GRIK3: variants seen among roughly 807,000 people sequenced by gnomAD.
GRIK3 encodes the protein glutamate receptor ionotropic, kainate 3.
A neutral mutation model predicts 102.5 loss-of-function variants in GRIK3; 29 were observed. The ratio of observed to expected loss-of-function variants is 0.28; its 90% CI spans 0.21 to 0.39. The LOEUF (loss-of-function observed/expected upper bound fraction) is 0.39, where lower values mean the gene tolerates loss of function less well. GRIK3 is among the 10% of genes least tolerant of loss of function. The probability of loss-of-function intolerance (pLI) is 1.00; values close to 1 mark genes in which losing one functional copy is unlikely to be tolerated. For missense variants in GRIK3, 908 were observed against 1,252.4 expected, an observed-to-expected ratio of 0.73 and a Z score of 4.15; for synonymous variants, 511 against 504.9, an observed-to-expected ratio of 1.01 and a Z score of -0.16.
At chr1:36,802,197 G>C (rs879881045) in intron 15 of GRIK3, 152 bp from the exon 16 acceptor site, 2 of 589,842 alleles carry the variant, frequency 3.4e-6, no homozygotes, top group South Asian at 2.2e-5. Context: ...TCTGCCACCT[G>C]CAGGATGATT....
chr1:36,883,386 A>G (rs1424448926), intron 2 of GRIK3, among the ~76,000 whole-genome samples: 4 of 152,156 alleles, frequency 2.6e-5, no homozygotes, highest in African/African-American at 9.7e-5. Flanking sequence ...ATCCTGAACC[A>G]TAAGGGGCCT....
chr1:36,956,407 G>A (rs188492487), intron 1 of GRIK3, among the ~76,000 whole-genome samples: 58 of 152,306 alleles, frequency 3.8e-4, no homozygotes, highest in Non-Finnish European at 5.7e-4. Context: ...AAGCCTCATC[G>A]TGAAACTGCC....
intron 1 of GRIK3, among the ~76,000 whole-genome samples, chr1:36,985,776 C>G (rs1642297381): frequency 6.6e-6 from 1 of 152,210 alleles, no homozygotes; most frequent in Non-Finnish European, 1.5e-5. Context: ...CTCATGCTTC[C>G]TGCCACTCCC....
At chr1:36,983,969 G>A (rs145311608) in intron 1 of GRIK3, among the ~76,000 whole-genome samples, 1 of 152,088 alleles carries the variant, frequency 6.6e-6, no homozygotes, top group African/African-American at 2.4e-5. Context: ...TACCCAGCAG[G>A]GTGACTTTGA....
intron 1 of GRIK3, among the ~76,000 whole-genome samples, chr1:36,985,025 G>A (rs1223865652): frequency 6.6e-6 from 1 of 152,172 alleles, no homozygotes; most frequent in Non-Finnish European, 1.5e-5. Flanking sequence ...GCCCGGGCAG[G>A]AACAGAAAGA....
chr1:36,859,754 G>A, intron 6 of GRIK3, 90 bp downstream of exon 6: 3 of 1,050,444 alleles, frequency 2.9e-6, no homozygotes, highest in Non-Finnish European at 4.4e-6. Flanking sequence ...GAGAAGTGGT[G>A]GAGGGAAGAA....
chr1:36,859,956 C>T lies in GRIK3; in HGVS notation c.848G>A (p.Arg283Gln), dbSNP rs1557705299. 1.2e-6 allele frequency: 2 copies of T among 1,613,258 alleles called. No individual in the cohort carries two copies. The highest frequency in any genetic ancestry group is 1.7e-6 in the Non-Finnish European group (2 of 1,179,502). Residue 283 changes from arginine to glutamine, a missense_variant, in exon 6 of 16, where the codon CGG becomes CAG. Arg to Gln is a conservative substitution (Grantham distance 43, BLOSUM62 1). Coordinates refer to ENST00000373091, the MANE Select transcript of GRIK3 (RefSeq NM_000831.4). ...GTGTGGGTTGTCCACATTGAGAATCCGGAATCCTGTCAGGTTCACGCCTGA... is the reference window on the plus strand; with the variant it reads ...GTGTGGGTTGTCCACATTGAGAATCTGGAATCCTGTCAGGTTCACGCCTGA... Reference protein sequence around the residue: ...RYSGVNLTGFRILNVDNPHVS... With the variant: ...RYSGVNLTGFQILNVDNPHVS...
intron 1 of GRIK3, among the ~76,000 whole-genome samples, chr1:37,000,841 G>T (rs1012691309): frequency 6.6e-6 from 1 of 152,128 alleles, no homozygotes; most frequent in Non-Finnish European, 1.5e-5. Context: ...AAACAGCAGC[G>T]CAGATCCAAA....
chr1:36,864,792 A>G (rs1468211823), intron 5 of GRIK3, among the ~76,000 whole-genome samples: 1 of 151,402 alleles, frequency 6.6e-6, no homozygotes, highest in African/African-American at 2.4e-5. Flanking sequence ...CCGTGATACG[A>G]GGACAATGAC....
chr1:36,986,338 C>CCCAT lies in GRIK3; in HGVS notation c.115+47652_115+47655dup, dbSNP rs374435133. Among the ~76,000 whole-genome samples the CCCAT allele has an allele frequency of 4.0e-3, 612 of 151,802 alleles. 5 individuals carry two copies. The highest frequency in any genetic ancestry group is 0.013 in the African/African-American group (526 of 41,382). On this transcript the variant is annotated intron_variant, in intron 1 of 15. Transcript: ENST00000373091. ...ATCAGTCTGTTCATCCATCTGTCCG[C>CCCAT]CCATCCATCCATCCATCCATCCATC...
chr1:36,922,979 GC>G (rs1367300750), intron 1 of GRIK3, among the ~76,000 whole-genome samples: 1 of 152,142 alleles, frequency 6.6e-6, no homozygotes, highest in African/African-American at 2.4e-5. Flanking sequence ...CACCAGGCTG[GC>G]CAGCGGCACC....
At chr1:37,008,392 T>A (rs1642554121) in intron 1 of GRIK3, among the ~76,000 whole-genome samples, 3 of 152,218 alleles carry the variant, frequency 2.0e-5, no homozygotes, top group African/African-American at 7.2e-5. Context: ...CCCAGGACAG[T>A]GCCTTCACAA....
Position 36,795,855 on chromosome 1 carries a change from T to A in GRIK3, c.*5996A>T, listed in dbSNP as rs997345385. ...ACTCTGGTCTGGGTGGTGGGACAGG[T>A]CTAGGGTCTCAGAGGCCCATGGTGC... is the stretch of plus-strand genomic sequence containing the variant. On this transcript the variant is annotated 3_prime_UTR_variant, in exon 16 of 16. Coordinates refer to ENST00000373091, the MANE Select transcript of GRIK3 (RefSeq NM_000831.4). 6.6e-6 allele frequency: 1 copy of A among 152,112 alleles called. No homozygotes were observed. Among genetic ancestry groups the A allele is most frequent in the African/African-American group, 2.4e-5 (1 of 41,412 alleles). The allele number at this position is 152,112 out of a possible 1,614,324, so 9.4% of individuals were successfully genotyped here. A position where few individuals can be genotyped will look rare whatever the true frequency, so the allele number is the denominator to read the frequency against.
chr1:36,876,237 G>T (rs576296679), intron 3 of GRIK3, among the ~76,000 whole-genome samples: 1 of 152,262 alleles, frequency 6.6e-6, no homozygotes, highest in African/African-American at 2.4e-5. Context: ...ATGTTCCTGG[G>T]TTCCAGCTAC....
chr1:36,838,681 CG>C (rs1640411990), intron 10 of GRIK3, among the ~76,000 whole-genome samples: 1 of 152,270 alleles, frequency 6.6e-6, no homozygotes, highest in Admixed American at 6.5e-5. Flanking sequence ...AAATGGGCCC[CG>C]GGGGGTGGAC....
At position 36,921,717 on chromosome 1, in the gene GRIK3, T is replaced by C. The variant is rs548096426; in HGVS notation, c.116-30621A>G. ...AGTATAATGGGTGGCATTTTTTTTCTTTCTTAGGGAAGTACATAAAATTAT... is the reference window on the plus strand; with the variant it reads ...AGTATAATGGGTGGCATTTTTTTTCCTTCTTAGGGAAGTACATAAAATTAT... On this transcript the variant is annotated intron_variant, in intron 1 of 15. Coordinates refer to ENST00000373091, the MANE Select transcript of GRIK3 (RefSeq NM_000831.4). Among the ~76,000 whole-genome samples, 11 of 152,302 alleles carry C rather than the reference T, an allele frequency of 7.2e-5. No individual in the cohort carries two copies. In the South Asian group the frequency reaches 1.2e-3, roughly 17 times the overall value.
In GRIK3 at chr1:36,948,353, C is replaced by T. The variant is rs115236249; in HGVS notation, c.116-57257G>A. Among the ~76,000 whole-genome samples the T allele has an allele frequency of 4.5e-3, 684 of 152,310 alleles. 2 individuals are homozygous for T. The highest frequency in any genetic ancestry group is 0.014 in the African/African-American group (597 of 41,564). ...GGCCTACTACGTGCCAGGCTCCATG[C>T]TGAGAAAGCACCTCCTGTGTGCTGA... is the stretch of plus-strand genomic sequence containing the variant. On this transcript the variant is annotated intron_variant, in intron 1 of 15. Coordinates refer to ENST00000373091, the MANE Select transcript of GRIK3 (RefSeq NM_000831.4).
intron 1 of GRIK3, among the ~76,000 whole-genome samples, chr1:36,926,086 T>C (rs1293783556): frequency 1.3e-5 from 2 of 152,218 alleles, no homozygotes; most frequent in Admixed American, 1.3e-4. Context: ...ATCAGGACCA[T>C]TTTCTTATGA....
At chr1:36,981,157 C>A (rs1642244338) in intron 1 of GRIK3, among the ~76,000 whole-genome samples, 1 of 152,184 alleles carries the variant, frequency 6.6e-6, no homozygotes, top group African/African-American at 2.4e-5. Context: ...GGATTTAAAC[C>A]CAGGCAGTCT....
Sources: allele counts gnomAD v4.1 joint callset (sites outside exome capture counted in the v4.1 genomes callset), GRCh38; gene constraint gnomAD v4.1.1; transcripts MANE v1.5; gene names NCBI Gene and HGNC (gene_info 2026-07-23, HGNC 2026-07-21).